The following IGFL2 variants were observed in gnomAD, a reference collection of about 807,000 sequenced individuals.
IGFL2 encodes insulin growth factor-like family member 2.
IGFL2 carries 7 observed loss-of-function variants against 13.9 expected under a neutral mutation model. That is an observed-to-expected ratio of 0.51 (90% CI 0.29 to 0.95). The LOEUF (loss-of-function observed/expected upper bound fraction) is 0.95. Ranked by LOEUF, IGFL2 falls within the 40% of genes least tolerant of loss-of-function variation. The pLI, the probability that IGFL2 is intolerant of heterozygous loss-of-function variation, is 0.08. For synonymous variants in IGFL2, 55 were observed against 55.8 expected (o/e 0.99, Z 0.07); for missense variants, 138 against 147.8 (o/e 0.93, Z 0.34).
At chr19:46,190,576 AT>A in the IGFL2 span, among the ~76,000 whole-genome samples, 1 of 152,312 alleles carries the variant, frequency 6.6e-6, no homozygotes, top group East Asian at 1.9e-4. Flanking sequence ...GTAAAGTCAT[AT>A]TTTGCAAGTG....
chr19:46,157,957 CAT>C (rs943708144), intron 1 of IGFL2, among the ~76,000 whole-genome samples: 23 of 152,250 alleles, frequency 1.5e-4, no homozygotes, highest in African/African-American at 5.3e-4. Flanking sequence ...GCAAGATCAA[CAT>C]AGAAAAAATC....
the IGFL2 span, among the ~76,000 whole-genome samples, chr19:46,104,170 G>T: frequency 6.6e-6 from 1 of 152,184 alleles, no homozygotes; most frequent in Non-Finnish European, 1.5e-5. Context: ...TAGAGGGCTG[G>T]TGTCTGGGGC....
At chr19:46,179,025 G>T in the IGFL2 span, among the ~76,000 whole-genome samples, 1 of 151,976 alleles carries the variant, frequency 6.6e-6, no homozygotes, top group African/African-American at 2.4e-5. Flanking sequence ...GGCAGAGAGA[G>T]AAGACCAGGG....
the IGFL2 span, chr19:46,195,069 G>C: frequency 6.7e-6 from 1 of 149,264 alleles, no homozygotes; most frequent in Non-Finnish European, 1.5e-5. Flanking sequence ...AGGCTGGAGT[G>C]CAGTGGCATG....
At chr19:46,146,737 C>T (rs1973156489), upstream of IGFL2, among the ~76,000 whole-genome samples, 1 of 152,118 alleles carries the variant, frequency 6.6e-6, no homozygotes, top group Non-Finnish European at 1.5e-5. Context: ...ATTGTATCCA[C>T]TAGTTCTTGC....
At chr19:46,176,184 C>CA in the IGFL2 span, among the ~76,000 whole-genome samples, 1,120 of 117,448 alleles carry the variant, frequency 9.5e-3, 9 homozygotes, top group African/African-American at 0.024. Context: ...AAATTAATGC[C>CA]AAAAAAAAAA....
the IGFL2 span, among the ~76,000 whole-genome samples, chr19:46,170,375 TCTTAATCC>T: frequency 6.6e-6 from 1 of 152,232 alleles, no homozygotes; most frequent in East Asian, 1.9e-4. Context: ...ATCTTTAATC[TCTTAATCC>T]CATCATCTTC....
chr19:46,145,414 A>G (rs1242613729), upstream of IGFL2, among the ~76,000 whole-genome samples: 1 of 151,976 alleles, frequency 6.6e-6, no homozygotes, highest in Non-Finnish European at 1.5e-5. Flanking sequence ...AGTCCAACAC[A>G]GTCAATCCTT....
the IGFL2 span, among the ~76,000 whole-genome samples, chr19:46,127,254 G>A: frequency 6.6e-6 from 1 of 152,110 alleles, no homozygotes; most frequent in Non-Finnish European, 1.5e-5. Flanking sequence ...GTTGGGCATG[G>A]TGGTACATGC....
At chr19:46,079,148 G>T in the IGFL2 span, among the ~76,000 whole-genome samples, 1 of 152,264 alleles carries the variant, frequency 6.6e-6, no homozygotes, top group Admixed American at 6.5e-5. Flanking sequence ...CATCGCGCAG[G>T]CGATGGGTGA....
At chr19:46,087,168 G>T in the IGFL2 span, among the ~76,000 whole-genome samples, 1 of 152,128 alleles carries the variant, frequency 6.6e-6, no homozygotes, top group African/African-American at 2.4e-5. Flanking sequence ...CAGGTTCTTG[G>T]GCCCTGGGCA....
At chr19:46,138,017 G>T in the IGFL2 span, among the ~76,000 whole-genome samples, 1 of 152,262 alleles carries the variant, frequency 6.6e-6, no homozygotes, top group East Asian at 1.9e-4. Context: ...AATTCTGTCT[G>T]TTATTTCAGC....
At chr19:46,131,595 G>A in the IGFL2 span, among the ~76,000 whole-genome samples, 3 of 152,182 alleles carry the variant, frequency 2.0e-5, no homozygotes, top group Admixed American at 1.3e-4. Context: ...TTAATTTTAC[G>A]TAAACATGCT....
At chr19:46,121,252 G>T in the IGFL2 span, among the ~76,000 whole-genome samples, 1 of 149,776 alleles carries the variant, frequency 6.7e-6, no homozygotes, top group East Asian at 2.0e-4. Flanking sequence ...GCCAGATGTG[G>T]TGGCATGTGC....
At chr19:46,137,202 T>C in the IGFL2 span, 41 of 1,582,806 alleles carry the variant, frequency 2.6e-5, no homozygotes, top group Admixed American at 6.9e-4. Context: ...ACAGAGCTTG[T>C]TTCAGAAATC....
the IGFL2 span, among the ~76,000 whole-genome samples, chr19:46,132,152 T>C: frequency 6.6e-6 from 1 of 152,160 alleles, no homozygotes; most frequent in Non-Finnish European, 1.5e-5. Context: ...ACAGAGAAAG[T>C]CCAGAAGCCT....
chr19:46,185,029 G>A, the IGFL2 span, among the ~76,000 whole-genome samples: 5 of 152,254 alleles, frequency 3.3e-5, no homozygotes, highest in South Asian at 6.2e-4. Context: ...TGTGTCTGTT[G>A]GCTGCATAAA....
chr19:46,179,566 G>C, the IGFL2 span: 1 of 152,418 alleles, frequency 6.6e-6, no homozygotes, highest in Admixed American at 6.5e-5. Flanking sequence ...GCAGGAAAGA[G>C]GGTAGAATGG....
the IGFL2 span, among the ~76,000 whole-genome samples, chr19:46,083,594 GA>G: frequency 6.6e-6 from 1 of 152,104 alleles, no homozygotes; most frequent in African/African-American, 2.4e-5. Context: ...CATTTTTCAA[GA>G]AAATATATTA....
Sources: allele counts gnomAD v4.1 joint callset (sites outside exome capture counted in the v4.1 genomes callset), GRCh38; gene constraint gnomAD v4.1.1; transcripts MANE v1.5; gene names NCBI Gene and HGNC (gene_info 2026-07-23, HGNC 2026-07-21).